ERAP1: variants seen among roughly 807,000 people sequenced by gnomAD.
ERAP1 encodes adipocyte-derived leucine aminopeptidase.
In ERAP1, 86 loss-of-function variants were observed where a neutral mutation model predicts 103.7. That is an observed-to-expected ratio of 0.83 (90% CI 0.70 to 0.99). The LOEUF (loss-of-function observed/expected upper bound fraction) is 0.99, where lower values mean the gene tolerates loss of function less well. Among genes scored for constraint, ERAP1 ranks in the 50% least tolerant of loss-of-function variants. The probability of loss-of-function intolerance (pLI) is 0.00; values close to 1 mark genes in which losing one functional copy is unlikely to be tolerated. For missense variants in ERAP1, 1,009 were observed against 1,128.4 expected, an observed-to-expected ratio of 0.89 and a Z score of 1.52; for synonymous variants, 398 against 402.4, an observed-to-expected ratio of 0.99 and a Z score of 0.13.
the ERAP1 span, among the ~76,000 whole-genome samples, chr5:96,850,289 G>C: frequency 6.6e-6 from 1 of 152,128 alleles, no homozygotes; most frequent in African/African-American, 2.4e-5. Flanking sequence ...GGCAACAACA[G>C]AGTGAAGAGA....
At chr5:96,831,149 T>A in the ERAP1 span, among the ~76,000 whole-genome samples, 3 of 152,100 alleles carry the variant, frequency 2.0e-5, no homozygotes, top group Admixed American at 6.6e-5. Context: ...GAACTTACAA[T>A]CATGGTGGAA....
chr5:96,884,025 A>G, the ERAP1 span: 2 of 1,205,444 alleles, frequency 1.7e-6, no homozygotes, highest in Non-Finnish European at 2.3e-6. Flanking sequence ...TTCAGCCATT[A>G]ATTTGTTTTT....
chr5:96,915,760 G>T, the ERAP1 span: 5 of 1,599,718 alleles, frequency 3.1e-6, no homozygotes, highest in East Asian at 2.3e-5. Context: ...CCAAGGATAA[G>T]TTGCAAGAGG....
In ERAP1 at chr5:96,788,550, C is replaced by CAGAG. The variant is rs754221051; in HGVS notation, c.1656_1659dup (p.Asp554LeufsTer2). 6.2e-7 allele frequency: 1 copy of CAGAG among 1,614,214 alleles called. No individual in the cohort carries two copies. The highest frequency in any genetic ancestry group is 1.1e-5 in the South Asian group (1 of 91,086). On this transcript the variant is annotated frameshift_variant, in exon 11 of 19. Coordinates refer to ENST00000443439, the MANE Select transcript of ERAP1 (RefSeq NM_001040458.3). LOFTEE classifies it high-confidence loss of function. ...CATTACCCAGTGTCCGGGGCGCCGT[C>CAGAG]AGAGCCCTTCATGTAGTGCTCTTGC...
intron 18 of ERAP1, among the ~76,000 whole-genome samples, chr5:96,777,428 A>G (rs1281939740): frequency 6.6e-6 from 1 of 152,202 alleles, no homozygotes; most frequent in African/African-American, 2.4e-5. Context: ...TCCATGTCAT[A>G]ATACCATATT....
chr5:96,782,512 A>T (rs1775359180), intron 15 of ERAP1, among the ~76,000 whole-genome samples: 1 of 152,234 alleles, frequency 6.6e-6, no homozygotes. Flanking sequence ...ATCACAAGTC[A>T]GGACGGCAGT....
rs762746967 is a variant in ERAP1 at position 96,783,249 on chromosome 5, A to G, written c.2101-14T>C. On this transcript the variant is annotated splice_polypyrimidine_tract_variant and intron_variant, in intron 14 of 18. Transcript: ENST00000443439. ...GATGAGGAAGGCCTGAGGGCGTTGT[A>G]CAGGGAAACAGGGACCAGTATTGTC... 2.5e-5 allele frequency: 40 copies of G among 1,601,126 alleles called. No individual in the cohort carries two copies. The highest frequency in any genetic ancestry group is 3.3e-5 in the Non-Finnish European group (39 of 1,171,166).
At chr5:96,804,619 C>A (rs1778355955) in intron 1 of ERAP1, 1 of 154,540 alleles carries the variant, frequency 6.5e-6, no homozygotes, top group African/African-American at 2.4e-5. Context: ...GCAAACGTAT[C>A]AATCACCTGG....
At chr5:96,830,896 C>T in the ERAP1 span, among the ~76,000 whole-genome samples, 1 of 152,134 alleles carries the variant, frequency 6.6e-6, no homozygotes, top group Non-Finnish European at 1.5e-5. Context: ...TTCCAGGATC[C>T]CTGCAAATAC....
the ERAP1 span, among the ~76,000 whole-genome samples, chr5:96,820,707 A>T: frequency 6.6e-6 from 1 of 151,876 alleles, no homozygotes; most frequent in Non-Finnish European, 1.5e-5. Flanking sequence ...CAGATTAAAT[A>T]TTTTTTTCTC....
chr5:96,836,620 T>C, the ERAP1 span, among the ~76,000 whole-genome samples: 19 of 152,248 alleles, frequency 1.2e-4, no homozygotes, highest in African/African-American at 2.4e-4. Context: ...GTTCAAATAA[T>C]TGAGTGACAT....
At chr5:96,855,831 A>G in the ERAP1 span, among the ~76,000 whole-genome samples, 1 of 152,208 alleles carries the variant, frequency 6.6e-6, no homozygotes, top group Non-Finnish European at 1.5e-5. Context: ...ATGTAGGAGA[A>G]GGGAATTTTC....
At chr5:96,780,640 A>G (rs1388271729) in intron 17 of ERAP1, 136 bp from the exon 18 acceptor site, 1 of 727,594 alleles carries the variant, frequency 1.4e-6, no homozygotes, top group East Asian at 2.7e-5. Flanking sequence ...TGTCTATCCA[A>G]TGGGTTAAGA....
the ERAP1 span, among the ~76,000 whole-genome samples, chr5:96,913,749 CCCTTCTTGGCT>C: frequency 6.6e-6 from 1 of 152,206 alleles, no homozygotes; most frequent in African/African-American, 2.4e-5. Flanking sequence ...CTCCCACCAT[CCCTTCTTGGCT>C]CTCTCCTCAG....
At chr5:96,801,529 A>G (rs1292853467) in intron 2 of ERAP1, among the ~76,000 whole-genome samples, 1 of 151,932 alleles carries the variant, frequency 6.6e-6, no homozygotes, top group South Asian at 2.1e-4. Context: ...GTATGTGAGG[A>G]AAACTTAATA....
Position 96,793,973 on chromosome 5 carries a change from A to G in ERAP1, c.920-16T>C. 1 of 1,613,586 alleles carries G rather than the reference A, an allele frequency of 6.2e-7. No individual in the cohort carries two copies. ...GCAGCAAGATCTTGGGAAGGAAGTA[A>G]TAAAATACATTACCAGTCTCTAAGC... is the stretch of plus-strand genomic sequence containing the variant. On this transcript the variant is annotated splice_polypyrimidine_tract_variant and intron_variant, in intron 5 of 18. Coordinates refer to ENST00000443439, the MANE Select transcript of ERAP1 (RefSeq NM_001040458.3).
At chr5:96,924,158 T>C in the ERAP1 span, among the ~76,000 whole-genome samples, 15 of 152,240 alleles carry the variant, frequency 9.9e-5, no homozygotes, top group Non-Finnish European at 2.2e-4. Context: ...TCATGTTTCA[T>C]GTATTATGTA....
At chr5:96,916,835 C>A in the ERAP1 span, among the ~76,000 whole-genome samples, 43 of 151,316 alleles carry the variant, frequency 2.8e-4, no homozygotes, top group Non-Finnish European at 4.9e-4. Flanking sequence ...TTTATTTACC[C>A]TTTAGGCAAA....
the ERAP1 span, among the ~76,000 whole-genome samples, chr5:96,860,967 T>C: frequency 2.6e-5 from 4 of 151,816 alleles, no homozygotes; most frequent in Admixed American, 6.6e-5. Flanking sequence ...TTCTTTCTTT[T>C]TTTTTTTTTA....
Sources: allele counts gnomAD v4.1 joint callset (sites outside exome capture counted in the v4.1 genomes callset), GRCh38; gene constraint gnomAD v4.1.1; transcripts MANE v1.5; gene names NCBI Gene and HGNC (gene_info 2026-07-23, HGNC 2026-07-21).